The following NEGR1 variants were observed in gnomAD, a reference collection of about 807,000 sequenced individuals.
The protein encoded by NEGR1 is neuronal growth regulator 1.
In NEGR1, 10 loss-of-function variants were observed where a neutral mutation model predicts 40.9. The ratio of observed to expected loss-of-function variants is 0.24; its 90% CI spans 0.15 to 0.42. The LOEUF is 0.42. Among genes scored for constraint, NEGR1 ranks in the 10% least tolerant of loss-of-function variants. The pLI is 1.00. For synonymous variants in NEGR1, 185 were observed against 166.8 expected (o/e 1.11, Z -0.84); for missense variants, 352 against 438.9 (o/e 0.80, Z 1.77).
intron 1 of NEGR1, among the ~76,000 whole-genome samples, chr1:72,166,430 T>C (rs750828296): frequency 3.3e-5 from 5 of 152,110 alleles, no homozygotes; most frequent in Non-Finnish European, 5.9e-5. Flanking sequence ...GCTGAGTATA[T>C]ATCCAAAGAA....
chr1:71,977,832 A>AT (rs1491474283), intron 1 of NEGR1, among the ~76,000 whole-genome samples: 1 of 151,544 alleles, frequency 6.6e-6, no homozygotes, highest in Non-Finnish European at 1.5e-5. Flanking sequence ...AAAAAAAAAA[A>AT]AGTAAAAGAA....
chr1:72,167,433 T>C lies in NEGR1; in HGVS notation c.176+114886A>G, dbSNP rs1401223207. On this transcript the variant is annotated intron_variant, in intron 1 of 6. Transcript: ENST00000357731. ...TAATAATTCTCACAATATTATCATATTTTCTAAGTAAATATAACTTTTATA... is the reference window on the plus strand; with the variant it reads ...TAATAATTCTCACAATATTATCATACTTTCTAAGTAAATATAACTTTTATA... 3.9e-5 allele frequency among the ~76,000 whole-genome samples: 6 copies of C among 152,102 alleles called. No homozygotes were observed. The East Asian group carries it at 1.2e-3, about 29-fold the overall frequency.
intron 2 of NEGR1, among the ~76,000 whole-genome samples, chr1:71,830,003 T>C (rs1165736077): frequency 6.6e-6 from 1 of 151,954 alleles, no homozygotes; most frequent in Non-Finnish European, 1.5e-5. Context: ...TCTAATCTTC[T>C]TTAGGGACAC....
intron 1 of NEGR1, among the ~76,000 whole-genome samples, chr1:72,109,987 A>G (rs1327146490): frequency 6.6e-6 from 1 of 151,698 alleles, no homozygotes; most frequent in African/African-American, 2.4e-5. Context: ...TCCACAGTGT[A>G]GAATTTCCAT....
intron 4 of NEGR1, among the ~76,000 whole-genome samples, chr1:71,629,631 G>A (rs542474465): frequency 2.6e-5 from 4 of 151,992 alleles, no homozygotes; most frequent in African/African-American, 9.6e-5. Context: ...GCTAGAGAAA[G>A]AAATAAAGGT....
chr1:71,663,926 G>A (rs79244033), intron 4 of NEGR1, among the ~76,000 whole-genome samples: 2 of 152,194 alleles, frequency 1.3e-5, no homozygotes, highest in African/African-American at 4.8e-5. Context: ...AGTTAATTAT[G>A]GATTCTATAC....
At chr1:72,193,679 T>C (rs1652902135) in intron 1 of NEGR1, among the ~76,000 whole-genome samples, 1 of 151,448 alleles carries the variant, frequency 6.6e-6, no homozygotes, top group Non-Finnish European at 1.5e-5. Flanking sequence ...TATATATTCA[T>C]TTTTAATTAT....
At chr1:71,833,587 C>G (rs1362539186) in intron 2 of NEGR1, among the ~76,000 whole-genome samples, 1 of 152,036 alleles carries the variant, frequency 6.6e-6, no homozygotes, top group Non-Finnish European at 1.5e-5. Flanking sequence ...GTGGTTCTAG[C>G]AGGCTGGTAC....
intron 2 of NEGR1, among the ~76,000 whole-genome samples, chr1:71,924,205 A>T (rs1233377886): frequency 2.6e-5 from 4 of 152,166 alleles, no homozygotes; most frequent in Non-Finnish European, 5.9e-5. Context: ...ACTTAACCTA[A>T]CAAATTCATT....
intron 1 of NEGR1, among the ~76,000 whole-genome samples, chr1:72,190,544 C>A (rs1160212424): frequency 6.6e-6 from 1 of 151,456 alleles, no homozygotes; most frequent in Non-Finnish European, 1.5e-5. Context: ...GTTTATCAAT[C>A]CATAATGCAC....
intron 6 of NEGR1, among the ~76,000 whole-genome samples, chr1:71,512,709 G>A (rs1647084029): frequency 1.3e-5 from 2 of 151,736 alleles, no homozygotes; most frequent in Admixed American, 6.6e-5. Context: ...AACCTCCCGA[G>A]TAGCTGGGAT....
intron 3 of NEGR1, among the ~76,000 whole-genome samples, chr1:71,769,404 C>T (rs1460007914): frequency 6.6e-6 from 1 of 152,122 alleles, no homozygotes; most frequent in Non-Finnish European, 1.5e-5. Flanking sequence ...CAAATTCTAT[C>T]TGGTTAATAT....
intron 2 of NEGR1, among the ~76,000 whole-genome samples, chr1:71,899,441 C>T (rs756080265): frequency 6.6e-6 from 1 of 151,970 alleles, no homozygotes; most frequent in Non-Finnish European, 1.5e-5. Context: ...GGATTTGAAC[C>T]AGACAGATTT....
chr1:71,935,356 G>T, intron 1 of NEGR1, 45 bp from the exon 2 acceptor site: 1 of 1,299,288 alleles, frequency 7.7e-7, no homozygotes, highest in South Asian at 1.2e-5. Flanking sequence ...AAATAAAAAT[G>T]AGAGACAACA....
At chr1:71,873,012 T>C (rs1027089474) in intron 2 of NEGR1, among the ~76,000 whole-genome samples, 1 of 151,250 alleles carries the variant, frequency 6.6e-6, no homozygotes, top group Non-Finnish European at 1.5e-5. Flanking sequence ...AAATGACCTA[T>C]ATTTTATGAC....
Position 71,935,177 on chromosome 1 carries a change from T to A in NEGR1, c.311A>T (p.Gln104Leu). The A allele has an allele frequency of 6.2e-7, 1 of 1,613,866 alleles. No individual in the cohort carries two copies. Among genetic ancestry groups the A allele is most frequent in the Non-Finnish European group, 8.5e-7 (1 of 1,179,788 alleles). ...ATCTGTCACATCTACATTCTGTATC[T>A]GGAGGCTGTAGTCCCTTTTATTCAA... ...STLNKRDYSLQIQNVDVTDDG... is the reference protein window; with the variant it reads ...STLNKRDYSLLIQNVDVTDDG... Residue 104 changes from glutamine to leucine, a missense_variant, in exon 2 of 7, where the codon CAG becomes CTG. By Grantham distance (113) the Gln-to-Leu change is moderately radical. Transcript: ENST00000357731.
In NEGR1 at chr1:71,749,988, C is replaced by CTTTTTTTTTTTTTTT. The variant is rs768011020; in HGVS notation, c.535+26169_535+26183dup. Among the ~76,000 whole-genome samples, 151 of 136,560 alleles carry CTTTTTTTTTTTTTTT rather than the reference C, an allele frequency of 1.1e-3. 4 individuals carry two copies. The highest frequency in any genetic ancestry group is 2.3e-3 in the African/African-American group (82 of 36,216). The allele number at this position is 136,560 out of a possible 152,430, so 89.6% of individuals were successfully genotyped here. ...TCCTGATGAAATGGTTTGCTCCTTTCTTTTTTTTTTTTTTTTGAGACGGAG... is the reference window on the plus strand; with the variant it reads ...TCCTGATGAAATGGTTTGCTCCTTTCTTTTTTTTTTTTTTTTTTTTTTTTTTTTTTTGAGACGGAG... On this transcript the variant is annotated intron_variant, in intron 3 of 6. Transcript: ENST00000357731.
chr1:71,809,898 A>G (rs1016615045), intron 2 of NEGR1, among the ~76,000 whole-genome samples: 24 of 152,202 alleles, frequency 1.6e-4, no homozygotes, highest in Non-Finnish European at 5.9e-5. Context: ...AATTGCTTTA[A>G]GCAAGTCAAG....
intron 2 of NEGR1, among the ~76,000 whole-genome samples, chr1:71,829,901 A>G (rs1167516763): frequency 1.3e-5 from 2 of 151,926 alleles, no homozygotes; most frequent in African/African-American, 2.4e-5. Context: ...ACCTCCCCCA[A>G]GGTGTTTGCA....
Sources: allele counts gnomAD v4.1 joint callset (sites outside exome capture counted in the v4.1 genomes callset), GRCh38; gene constraint gnomAD v4.1.1; transcripts MANE v1.5; gene names NCBI Gene and HGNC (gene_info 2026-07-23, HGNC 2026-07-21).